The following EPHB3 variants were observed in gnomAD, a reference collection of about 807,000 sequenced individuals.
EPHB3 encodes ephrin type-B receptor 3.
A neutral mutation model predicts 100.2 loss-of-function variants in EPHB3; 33 were observed. That is an observed-to-expected ratio of 0.33 (90% CI 0.25 to 0.44). EPHB3 has a LOEUF of 0.44. Among genes scored for constraint, EPHB3 ranks in the 20% least tolerant of loss-of-function variants. The pLI is 1.00. For missense variants in EPHB3, 1,045 were observed against 1,378.3 expected, an observed-to-expected ratio of 0.76 and a Z score of 3.83; for synonymous variants, 526 against 554.7, an observed-to-expected ratio of 0.95 and a Z score of 0.73.
chr3:184,576,634 G>C (rs937171123), intron 4 of EPHB3, among the ~76,000 whole-genome samples: 1 of 152,222 alleles, frequency 6.6e-6, no homozygotes, highest in East Asian at 1.9e-4. Context: ...ATCAAGGAAG[G>C]CTTCCAAAAG....
intron 4 of EPHB3, 101 bp downstream of exon 4, chr3:184,576,086 G>A: frequency 7.0e-7 from 1 of 1,436,770 alleles, no homozygotes; most frequent in Non-Finnish European, 9.3e-7. Flanking sequence ...CATTTTCCAG[G>A]GAAGGAGCTG....
At position 184,572,573 on chromosome 3, in the gene EPHB3, G is replaced by A. The variant is rs144873693; in HGVS notation, c.253G>A (p.Glu85Lys). The change falls in exon 3 of 16, where the codon GAG becomes AAG. Residue 85 changes from glutamate (E) to lysine (K), a missense_variant. Around this residue, in one of 2 missense-constraint regions of EPHB3, gnomAD observed 985 missense variants for 1,331.1 expected, o/e 0.74. Transcript: ENST00000330394. The surrounding 1 kb of genome is among the most constrained non-coding windows in gnomAD (Gnocchi z 6.6). ...CACATACCAGGTGTGTAATGTGCGC[G>A]AGTCAAGCCAGAACAACTGGCTTCG... ...IRTYQVCNVR[E>K]SSQNNWLRTG... 11 of 1,546,090 alleles carry A rather than the reference G, an allele frequency of 7.1e-6. No homozygotes were observed. Among genetic ancestry groups the A allele is most frequent in the African/African-American group, 5.5e-5 (4 of 72,788 alleles).
chr3:184,566,948 G>A (rs1387331222), intron 1 of EPHB3, among the ~76,000 whole-genome samples: 4 of 152,154 alleles, frequency 2.6e-5, no homozygotes, highest in African/African-American at 9.7e-5. Flanking sequence ...ACCAGGGCAG[G>A]TGGTAGGCCC....
In EPHB3 at chr3:184,572,836, C is replaced by G; in HGVS notation, c.516C>G (p.Gly172=). ...AGAGCTTCTCGCGGCTGGATGCCGG[C>G]CGTGTCAACACCAAGGTGCGCAGCT... is the stretch of plus-strand genomic sequence containing the variant. ...PDESFSRLDA[G]RVNTKVRSFG... Residue 172 remains glycine (G), a synonymous_variant, in exon 3 of 16, where the codon GGC becomes GGG. Transcript: ENST00000330394. This position sits in a 1 kb window ranked among gnomAD's most constrained non-coding sequence, Gnocchi z 6.6. 6.4e-7 allele frequency: 1 copy of G among 1,567,552 alleles called. No individual in the cohort carries two copies. Among genetic ancestry groups the G allele is most frequent in the Non-Finnish European group, 8.6e-7 (1 of 1,156,580 alleles).
intron 4 of EPHB3, 105 bp from the exon 5 acceptor site, chr3:184,576,737 C>A: frequency 8.5e-7 from 1 of 1,174,908 alleles, no homozygotes; most frequent in Non-Finnish European, 1.2e-6. Context: ...AAAGCAGAGG[C>A]AAGGCAAGGA....
chr3:184,575,479 A>G (rs1161987211), intron 3 of EPHB3, among the ~76,000 whole-genome samples: 2 of 151,710 alleles, frequency 1.3e-5, no homozygotes. Flanking sequence ...CTGCTAGCCC[A>G]CCGGTGGTCT....
rs1337298955 is a variant in EPHB3, at chr3:184,562,254, CCGCCGCCGCCGT to C, written c.31_42del (p.Ser11_Pro14del). 6.3e-6 allele frequency: 7 copies of C among 1,105,174 alleles called. No homozygotes were observed. The highest frequency in any genetic ancestry group is 3.9e-5 in the South Asian group (1 of 25,630). 68.5% of individuals were successfully genotyped at this position (1,105,174 alleles called of 1,614,324 possible). ...CACGGCCATGGCCAGAGCCCGCCCG[CCGCCGCCGCCGT>C]CGCCGCCGCCGGGGCTTCTGCCGCT... On this transcript the variant is annotated inframe_deletion, in exon 1 of 16. Coordinates refer to ENST00000330394, the MANE Select transcript of EPHB3 (RefSeq NM_004443.4). This position sits in a 1 kb window ranked among gnomAD's most constrained non-coding sequence, Gnocchi z 4.8.
intron 1 of EPHB3, among the ~76,000 whole-genome samples, chr3:184,567,091 C>G (rs1661501036): frequency 6.6e-6 from 1 of 152,178 alleles, no homozygotes; most frequent in Admixed American, 6.5e-5. Flanking sequence ...GAGCTACCCT[C>G]TACCAAGGGC....
Position 184,577,557 on chromosome 3 carries a change from G to A in EPHB3, c.1479+90G>A. 1 of 1,588,580 alleles carries A rather than the reference G, an allele frequency of 6.3e-7. No homozygotes were observed. The highest frequency in any genetic ancestry group is 8.6e-7 in the Non-Finnish European group (1 of 1,166,062). On this transcript the variant is annotated intron_variant, in intron 6 of 15. Coordinates refer to ENST00000330394, the MANE Select transcript of EPHB3 (RefSeq NM_004443.4). The surrounding 1 kb of genome is among the most constrained non-coding windows in gnomAD (Gnocchi z 4.9). ...TCATGATGGGGCCCTTGGGAGCAAGGCCTTGGGTATGGAGGGGGCATGTGG... is the reference window on the plus strand; with the variant it reads ...TCATGATGGGGCCCTTGGGAGCAAGACCTTGGGTATGGAGGGGGCATGTGG...
At chr3:184,580,058 G>T in intron 11 of EPHB3, 124 bp downstream of exon 11, 1 of 1,440,242 alleles carries the variant, frequency 6.9e-7, no homozygotes. Context: ...GCTTGGTGCA[G>T]GGAAATGGCA....
intron 3 of EPHB3, chr3:184,575,305 T>TTGGGCAGGGATGG: frequency 2.2e-6 from 2 of 918,626 alleles, no homozygotes; most frequent in Non-Finnish European, 1.3e-6. Flanking sequence ...CCCCCATCCC[T>TTGGGCAGGGATGG]GCCCAAGGGC....
chr3:184,581,386 C>G lies in EPHB3; in HGVS notation c.2866C>G (p.Leu956Val). ...FVSAGFASFD[L>V]VAQMTAEDLL... ...CAGTGCGGGGTTTGCATCTTTTGACCTGGTGGCCCAGATGACGGCAGAGTA... is the reference window on the plus strand; with the variant it reads ...CAGTGCGGGGTTTGCATCTTTTGACGTGGTGGCCCAGATGACGGCAGAGTA... The change falls in exon 15 of 16, where the codon CTG becomes GTG. Residue 956 changes from leucine to valine, a missense_variant. Physicochemically the swap from Leu to Val is conservative, Grantham distance 32. Around this residue, in one of 2 missense-constraint regions of EPHB3, gnomAD observed 985 missense variants for 1,331.1 expected, o/e 0.74. Coordinates refer to ENST00000330394, the MANE Select transcript of EPHB3 (RefSeq NM_004443.4). 1 of 1,592,432 alleles carries G rather than the reference C, an allele frequency of 6.3e-7. No homozygotes were observed. The highest frequency in any genetic ancestry group is 8.6e-7 in the Non-Finnish European group (1 of 1,168,424).
In EPHB3 at chr3:184,573,290, C is replaced by G; in HGVS notation, c.856+114C>G. ...CTGACTAGGAGGTCTGGGAGCAGGT[C>G]CACAGTGGAGGCAGGAGAGGGAAGA... On this transcript the variant is annotated intron_variant, in intron 3 of 15. Coordinates refer to ENST00000330394, the MANE Select transcript of EPHB3 (RefSeq NM_004443.4). This position sits in a 1 kb window ranked among gnomAD's most constrained non-coding sequence, Gnocchi z 4.5. 3 of 1,344,228 alleles carry G rather than the reference C, an allele frequency of 2.2e-6. No individual in the cohort carries two copies. Among genetic ancestry groups the G allele is most frequent in the East Asian group, 2.5e-5 (1 of 40,630 alleles). 83.3% of individuals were successfully genotyped at this position (1,344,228 alleles called of 1,614,324 possible). A position where few individuals can be genotyped will look rare whatever the true frequency, so the allele number is the denominator to read the frequency against.
At position 184,572,571 on chromosome 3, in the gene EPHB3, G is replaced by T; in HGVS notation, c.251G>T (p.Arg84Leu). The change falls in exon 3 of 16, where the codon CGC (arginine) becomes CTC (leucine). Residue 84 changes from arginine to leucine, a missense_variant. By Grantham distance (102) the Arg-to-Leu change is moderately radical. Around this residue, in one of 2 missense-constraint regions of EPHB3, gnomAD observed 985 missense variants for 1,331.1 expected, o/e 0.74. Coordinates refer to ENST00000330394, the MANE Select transcript of EPHB3 (RefSeq NM_004443.4). The surrounding 1 kb of genome is among the most constrained non-coding windows in gnomAD (Gnocchi z 6.6). ...PIRTYQVCNV[R>L]ESSQNNWLRT... ...CGCACATACCAGGTGTGTAATGTGC[G>T]CGAGTCAAGCCAGAACAACTGGCTT... 6.5e-7 allele frequency: 1 copy of T among 1,547,274 alleles called. No homozygotes were observed. The highest frequency in any genetic ancestry group is 8.7e-7 in the Non-Finnish European group (1 of 1,150,676).
intron 1 of EPHB3, among the ~76,000 whole-genome samples, chr3:184,570,782 G>T (rs1714518543): frequency 6.6e-6 from 1 of 152,140 alleles, no homozygotes; most frequent in African/African-American, 2.4e-5. Flanking sequence ...CATTAACCCA[G>T]GCCTGGGGTC....
chr3:184,575,900 T>C lies in EPHB3; in HGVS notation c.927T>C (p.Arg309=). The change falls in exon 4 of 16, where the codon CGT becomes CGC. Residue 309 remains arginine (R), a synonymous_variant. Coordinates refer to ENST00000330394, the MANE Select transcript of EPHB3 (RefSeq NM_004443.4). The stretch of plus-strand genomic sequence containing the variant: ...GCCTCCCATGTCCCCCCAACAGCCG[T>C]ACCACCTCCCCAGCCGCCAGCATCT... The part of the protein sequence containing the change: ...GPCLPCPPNS[R]TTSPAASICT... The C allele has an allele frequency of 6.2e-7, 1 of 1,613,688 alleles. No individual in the cohort carries two copies. Among genetic ancestry groups the C allele is most frequent in the Non-Finnish European group, 8.5e-7 (1 of 1,179,878 alleles).
chr3:184,578,044 G>T lies in EPHB3; in HGVS notation c.1748+38G>T, dbSNP rs754692360. The T allele has an allele frequency of 6.2e-7, 1 of 1,605,322 alleles. No individual in the cohort carries two copies. The highest frequency in any genetic ancestry group is 1.7e-5 in the Admixed American group (1 of 59,688). On this transcript the variant is annotated intron_variant, in intron 8 of 15. Transcript: ENST00000330394. The surrounding 1 kb of genome is among the most constrained non-coding windows in gnomAD (Gnocchi z 4.7). ...CCACTGTTGCTCCATGGGCCGCCTC[G>T]AACTGCCCTTTAGCATCCTAGAGCC...
intron 1 of EPHB3, among the ~76,000 whole-genome samples, chr3:184,567,661 G>A (rs1689198245): frequency 6.6e-6 from 1 of 152,208 alleles, no homozygotes; most frequent in South Asian, 2.1e-4. Context: ...TGTAGTTTGT[G>A]TGACTAAAAG....
chr3:184,580,768 A>G lies in EPHB3; in HGVS notation c.2428A>G (p.Ile810Val). The G allele has an allele frequency of 6.2e-7, 1 of 1,614,178 alleles. No homozygotes were observed. Residue 810 changes from isoleucine to valine, a missense_variant, in exon 13 of 16, where the codon ATA (isoleucine) becomes GTA (valine). Transcript: ENST00000330394. ...IPIRWTAPEA[I>V]AYRKFTSASD... ...CATCCGCTGGACTGCCCCAGAGGCC[A>G]TAGCCTATCGGAAGTTCACTTCTGC...
Sources: allele counts gnomAD v4.1 joint callset (sites outside exome capture counted in the v4.1 genomes callset), GRCh38; gene constraint gnomAD v4.1.1; regional missense constraint gnomAD v4.1.1; non-coding constraint Gnocchi (gnomAD v3.1); transcripts MANE v1.5; gene names NCBI Gene and HGNC (gene_info 2026-07-23, HGNC 2026-07-21).